BCKDHB: variants seen among roughly 807,000 people sequenced by gnomAD.
BCKDHB encodes the protein 2-oxoisovalerate dehydrogenase subunit beta, mitochondrial.
BCKDHB carries 41 observed loss-of-function variants against 48.5 expected under a neutral mutation model. The ratio of observed to expected loss-of-function variants is 0.85; its 90% CI spans 0.66 to 1.10. The LOEUF (loss-of-function observed/expected upper bound fraction) is 1.10, where lower values mean the gene tolerates loss of function less well. BCKDHB is among the 50% of genes least tolerant of loss of function. The pLI, the probability that BCKDHB is intolerant of heterozygous loss-of-function variation, is 0.00. For missense variants in BCKDHB, 496 were observed against 494.2 expected, an observed-to-expected ratio of 1.00 and a Z score of -0.03; for synonymous variants, 201 against 174.8, an observed-to-expected ratio of 1.15 and a Z score of -1.18.
the BCKDHB span, among the ~76,000 whole-genome samples, chr6:80,415,831 G>A: frequency 1.3e-5 from 2 of 151,800 alleles, no homozygotes; most frequent in Non-Finnish European, 2.9e-5. Flanking sequence ...TTTTGGTCTA[G>A]TTTCCATAGG....
At chr6:80,151,596 G>T (rs1361430706) in intron 3 of BCKDHB, among the ~76,000 whole-genome samples, 1 of 152,004 alleles carries the variant, frequency 6.6e-6, no homozygotes, top group Non-Finnish European at 1.5e-5. Flanking sequence ...TTATTTTCAG[G>T]TTAAAACTGA....
intron 8 of BCKDHB, among the ~76,000 whole-genome samples, chr6:80,259,385 A>T (rs669420): frequency 0.91 from 138,657 of 152,258 alleles, 63,211 homozygotes; most frequent in East Asian, 0.99. Context: ...ATCATAAAGT[A>T]GTAGGACCGG....
chr6:80,398,168 A>T, the BCKDHB span, among the ~76,000 whole-genome samples: 1 of 152,164 alleles, frequency 6.6e-6, no homozygotes, highest in African/African-American at 2.4e-5. Flanking sequence ...CAACTAAAAA[A>T]AAATTAGGGA....
intron 1 of BCKDHB, among the ~76,000 whole-genome samples, chr6:80,107,532 T>TATATATATATGC (rs1769176488): frequency 1.1e-5 from 1 of 88,882 alleles, no homozygotes; most frequent in Non-Finnish European, 2.4e-5. Flanking sequence ...TATATATGCA[T>TATATATATATGC]ATATATATAT....
intron 1 of BCKDHB, among the ~76,000 whole-genome samples, chr6:80,126,486 C>CA (rs1770346049): frequency 6.6e-6 from 1 of 152,116 alleles, no homozygotes; most frequent in Admixed American, 6.5e-5. Flanking sequence ...TGTTGGGACA[C>CA]ACTAGGCTAA....
At chr6:80,313,088 A>G (rs932892332) in intron 9 of BCKDHB, among the ~76,000 whole-genome samples, 1 of 152,162 alleles carries the variant, frequency 6.6e-6, no homozygotes, top group Non-Finnish European at 1.5e-5. Flanking sequence ...GCTATTTATT[A>G]CTGCCTCAAT....
chr6:80,382,638 C>T, the BCKDHB span, among the ~76,000 whole-genome samples: 1 of 152,098 alleles, frequency 6.6e-6, no homozygotes, highest in Non-Finnish European at 1.5e-5. Context: ...TTATATTCTT[C>T]CCAGTTCTCT....
At chr6:80,281,570 G>T (rs887723949) in intron 9 of BCKDHB, among the ~76,000 whole-genome samples, 1 of 152,192 alleles carries the variant, frequency 6.6e-6, no homozygotes, top group Non-Finnish European at 1.5e-5. Context: ...GACTTGAACC[G>T]ATGAATATAG....
At chr6:80,389,762 C>T in the BCKDHB span, among the ~76,000 whole-genome samples, 6 of 152,208 alleles carry the variant, frequency 3.9e-5, no homozygotes, top group South Asian at 4.1e-4. Flanking sequence ...GGTGACAATA[C>T]GATGCAGGGC....
At chr6:80,436,590 A>T in the BCKDHB span, among the ~76,000 whole-genome samples, 44 of 152,302 alleles carry the variant, frequency 2.9e-4, no homozygotes, top group African/African-American at 9.1e-4. Context: ...ATTCCTAAAA[A>T]TGGTTTAAGT....
intron 9 of BCKDHB, among the ~76,000 whole-genome samples, chr6:80,281,956 G>A (rs550885982): frequency 2.0e-5 from 3 of 152,060 alleles, no homozygotes; most frequent in Non-Finnish European, 4.4e-5. Flanking sequence ...AAATTAAAAG[G>A]CAGCAGACTC....
chr6:80,304,008 G>C (rs769976719), intron 9 of BCKDHB, among the ~76,000 whole-genome samples: 2 of 152,096 alleles, frequency 1.3e-5, no homozygotes, highest in Non-Finnish European at 2.9e-5. Context: ...TGTGAACAGA[G>C]GAATATTAGA....
chr6:80,195,313 A>T (rs185046107), intron 6 of BCKDHB, among the ~76,000 whole-genome samples: 173 of 152,228 alleles, frequency 1.1e-3, no homozygotes, highest in Non-Finnish European at 2.0e-3. Context: ...TTTAGGGAAT[A>T]ATTTAAAAGT....
chr6:80,246,755 C>T (rs888447423), intron 8 of BCKDHB, among the ~76,000 whole-genome samples: 4 of 152,082 alleles, frequency 2.6e-5, no homozygotes, highest in African/African-American at 4.8e-5. Flanking sequence ...TGTGGAGACA[C>T]CCCCTTAGTC....
At chr6:80,256,748 A>G (rs977982731) in intron 8 of BCKDHB, among the ~76,000 whole-genome samples, 2 of 152,178 alleles carry the variant, frequency 1.3e-5, no homozygotes, top group Non-Finnish European at 2.9e-5. Context: ...GCTAAGCTAA[A>G]TATACTCTGG....
At chr6:80,260,310 T>A (rs1226964132) in intron 8 of BCKDHB, among the ~76,000 whole-genome samples, 2 of 152,200 alleles carry the variant, frequency 1.3e-5, no homozygotes, top group East Asian at 3.9e-4. Context: ...TACTAAAACT[T>A]CTTTTAGTCA....
chr6:80,171,240 A>G, intron 5 of BCKDHB, 42 bp from the exon 6 acceptor site: 5 of 1,205,996 alleles, frequency 4.1e-6, no homozygotes, highest in African/African-American at 1.5e-5. Flanking sequence ...TTACTGGGAT[A>G]TATTTTTACT....
chr6:80,235,375 C>T (rs1776107869), intron 8 of BCKDHB, among the ~76,000 whole-genome samples: 1 of 152,174 alleles, frequency 6.6e-6, no homozygotes, highest in Non-Finnish European at 1.5e-5. Flanking sequence ...TTTTTATAAC[C>T]TCATAACCTA....
chr6:80,323,866 G>A (rs527860102), intron 9 of BCKDHB, among the ~76,000 whole-genome samples: 9 of 152,164 alleles, frequency 5.9e-5, no homozygotes, highest in African/African-American at 1.4e-4. Flanking sequence ...TCCGCCCCCC[G>A]GGTTCACGCC....
Sources: gnomAD v4.1 joint callset for allele counts (sites outside exome capture counted in the v4.1 genomes callset) on GRCh38, gnomAD v4.1.1 for gene constraint, MANE v1.5 for transcripts, NCBI Gene and HGNC (gene_info 2026-07-23, HGNC 2026-07-21) for gene names.